ANXA3: variants seen among roughly 807,000 people sequenced by gnomAD.
The protein encoded by ANXA3 is annexin A3.
Under a neutral mutation model 48.8 loss-of-function variants are expected in ANXA3, and 46 were observed. The observed-to-expected ratio is 0.94, with a 90% confidence interval of 0.74 to 1.21. The LOEUF (loss-of-function observed/expected upper bound fraction) is 1.21, where lower values mean the gene tolerates loss of function less well. Among genes scored for constraint, ANXA3 ranks in the 50% most tolerant of loss-of-function variants. The pLI is 0.00. For missense variants in ANXA3, 383 were observed against 378.6 expected, an observed-to-expected ratio of 1.01 and a Z score of -0.10; for synonymous variants, 128 against 134.7, an observed-to-expected ratio of 0.95 and a Z score of 0.35.
chr4:78,559,980 G>T (rs534752473), intron 2 of ANXA3, among the ~76,000 whole-genome samples: 49 of 152,188 alleles, frequency 3.2e-4, no homozygotes, highest in African/African-American at 1.1e-3. Context: ...TTGTAGAGGG[G>T]CTTCTGCCTA....
chr4:78,579,554 A>G (rs1351229691), intron 4 of ANXA3, among the ~76,000 whole-genome samples: 1 of 152,252 alleles, frequency 6.6e-6, no homozygotes, highest in Admixed American at 6.5e-5. Flanking sequence ...TAAGGAAACT[A>G]TCTGACTAAT....
Position 78,569,767 on chromosome 4 carries a change from A to G in ANXA3, c.16-3413A>G, listed in dbSNP as rs567793299. 5.0e-4 allele frequency among the ~76,000 whole-genome samples: 76 copies of G among 151,930 alleles called. 1 individual carries two copies. The highest frequency in any genetic ancestry group is 1.8e-3 in the African/African-American group (75 of 41,384). ...CACACTTTGAGAACCACTAAGATGAACTCCCTCGAGGCATTGTGATGTGAC... is the reference window on the plus strand; with the variant it reads ...CACACTTTGAGAACCACTAAGATGAGCTCCCTCGAGGCATTGTGATGTGAC... On this transcript the variant is annotated intron_variant, in intron 2 of 12. Transcript: ENST00000264908.
chr4:78,577,672 A>C (rs1722982385), intron 3 of ANXA3, among the ~76,000 whole-genome samples: 2 of 152,350 alleles, frequency 1.3e-5, no homozygotes, highest in African/African-American at 4.8e-5. Flanking sequence ...GCTGTGTACC[A>C]CTGCCACGGA....
Position 78,586,336 on chromosome 4 carries a change from A to G in ANXA3, c.389A>G (p.Gln130Arg). 1 of 1,612,772 alleles carries G rather than the reference A, an allele frequency of 6.2e-7. No homozygotes were observed. Residue 130 changes from glutamine (Q) to arginine (R), a missense_variant, in exon 6 of 13, where the codon CAA becomes CGA. By Grantham distance (43) the Gln-to-Arg change is conservative. Coordinates refer to ENST00000264908, the MANE Select transcript of ANXA3 (RefSeq NM_005139.3). Reference sequence around the variant, plus strand: ...AGCAGGCAAATGAAGGATATCTCTCAAGCCTATTATACAGGTGTCTTATTT... The same window carrying G: ...AGCAGGCAAATGAAGGATATCTCTCGAGCCTATTATACAGGTGTCTTATTT... The part of the protein sequence containing the change: ...RTSRQMKDIS[Q>R]AYYTVYKKSL...
chr4:78,559,149 G>A (rs1578389863), intron 2 of ANXA3, among the ~76,000 whole-genome samples: 1 of 151,872 alleles, frequency 6.6e-6, no homozygotes, highest in African/African-American at 2.4e-5. Flanking sequence ...GTGCAATCAC[G>A]GCTTGCTGCA....
At chr4:78,592,781 A>C (rs1364250743) in intron 7 of ANXA3, among the ~76,000 whole-genome samples, 1 of 152,198 alleles carries the variant, frequency 6.6e-6, no homozygotes, top group Non-Finnish European at 1.5e-5. Context: ...TATGTGAAGT[A>C]CTTAGTGATC....
At chr4:78,589,096 G>A (rs940948617) in intron 6 of ANXA3, among the ~76,000 whole-genome samples, 1 of 152,132 alleles carries the variant, frequency 6.6e-6, no homozygotes, top group Non-Finnish European at 1.5e-5. Context: ...ATGAGGATGA[G>A]GATTTTCGTC....
chr4:78,599,744 A>T (rs7669013), intron 10 of ANXA3, among the ~76,000 whole-genome samples: 22,428 of 151,882 alleles, frequency 0.15, 3,550 homozygotes, highest in African/African-American at 0.4. Flanking sequence ...TTGTTAATCT[A>T]TATATTAAAG....
At chr4:78,595,684 T>C in intron 8 of ANXA3, 110 bp from the exon 9 acceptor site, 2 of 781,450 alleles carry the variant, frequency 2.6e-6, no homozygotes, top group South Asian at 3.5e-5. Context: ...AAGTGAGAGA[T>C]TTAGATAATA....
chr4:78,566,689 G>A (rs1043084883), intron 2 of ANXA3, among the ~76,000 whole-genome samples: 1 of 151,910 alleles, frequency 6.6e-6, no homozygotes, highest in African/African-American at 2.4e-5. Flanking sequence ...GGGGCTAAGG[G>A]CTGAAAATTA....
chr4:78,589,269 C>T (rs1461824497), intron 6 of ANXA3, among the ~76,000 whole-genome samples: 2 of 152,196 alleles, frequency 1.3e-5, no homozygotes, highest in Admixed American at 6.5e-5. Context: ...ATGATAATAG[C>T]ACAAAGTTAC....
chr4:78,581,304 A>G (rs533538827), intron 4 of ANXA3, among the ~76,000 whole-genome samples: 124 of 152,306 alleles, frequency 8.1e-4, no homozygotes, highest in African/African-American at 2.9e-3. Flanking sequence ...GCCATTGAAT[A>G]TTGAAAATAG....
intron 2 of ANXA3, among the ~76,000 whole-genome samples, chr4:78,558,324 T>A (rs1722558847): frequency 6.6e-6 from 1 of 152,244 alleles, no homozygotes; most frequent in South Asian, 2.1e-4. Flanking sequence ...AATGTGAATA[T>A]TCTAACCACT....
intron 7 of ANXA3, among the ~76,000 whole-genome samples, chr4:78,592,977 C>G (rs1723331222): frequency 6.6e-6 from 1 of 152,112 alleles, no homozygotes; most frequent in Non-Finnish European, 1.5e-5. Flanking sequence ...AAAATAGGAA[C>G]AAATTCATTT....
intron 12 of ANXA3, among the ~76,000 whole-genome samples, chr4:78,606,535 T>A (rs981942538): frequency 4.6e-5 from 7 of 152,200 alleles, no homozygotes; most frequent in African/African-American, 1.7e-4. Flanking sequence ...CCAGTGTCCC[T>A]GCCAGCAGCT....
At chr4:78,557,899 T>C (rs1466830444) in intron 2 of ANXA3, among the ~76,000 whole-genome samples, 2 of 152,190 alleles carry the variant, frequency 1.3e-5, no homozygotes, top group African/African-American at 2.4e-5. Context: ...AAGCAGGATC[T>C]TAAAGAAAGG....
chr4:78,609,955 C>T (rs1050509869), intron 12 of ANXA3, 101 bp from the exon 13 acceptor site: 1 of 779,962 alleles, frequency 1.3e-6, no homozygotes, highest in Admixed American at 2.3e-5. Flanking sequence ...GCTCATGAGT[C>T]TCACACCCAG....
chr4:78,594,047 G>T (rs1169347588), intron 7 of ANXA3, among the ~76,000 whole-genome samples: 3 of 151,974 alleles, frequency 2.0e-5, no homozygotes, highest in Admixed American at 6.6e-5. Flanking sequence ...AATCCTCTGT[G>T]CTCTGCCAGT....
chr4:78,580,690 G>C (rs539447283), intron 4 of ANXA3, among the ~76,000 whole-genome samples: 209 of 152,244 alleles, frequency 1.4e-3, no homozygotes, highest in Non-Finnish European at 2.6e-3. Context: ...AGGCCCCCAG[G>C]CTCCATTAAG....
Sources: gnomAD v4.1 joint callset for allele counts (sites outside exome capture counted in the v4.1 genomes callset) on GRCh38, gnomAD v4.1.1 for gene constraint, MANE v1.5 for transcripts, NCBI Gene and HGNC (gene_info 2026-07-23, HGNC 2026-07-21) for gene names.